ACTN2: variants seen among roughly 807,000 people sequenced by gnomAD.
ACTN2 encodes alpha-actinin-2.
In ACTN2, 39 loss-of-function variants were observed where a neutral mutation model predicts 113.8. The observed-to-expected ratio is 0.34, with a 90% CI of 0.27 to 0.45. The LOEUF is 0.45. ACTN2 is among the 20% of genes least tolerant of loss of function. The probability of loss-of-function intolerance (pLI) is 1.00; values close to 1 mark genes in which losing one functional copy is unlikely to be tolerated. For missense variants in ACTN2, 992 were observed against 1,177.9 expected, an observed-to-expected ratio of 0.84 and a Z score of 2.31; for synonymous variants, 429 against 444.1, an observed-to-expected ratio of 0.97 and a Z score of 0.43.
Position 236,762,965 on chromosome 1 carries a change from T to A in ACTN2, c.*346T>A. On this transcript the variant is annotated 3_prime_UTR_variant, in exon 21 of 21. Coordinates refer to ENST00000366578, the MANE Select transcript of ACTN2 (RefSeq NM_001103.4). ...AAGTGAAAAATGTGAAAATACAAAA[T>A]ACCCAAGATTTAAGACCGGGGGGAA... 3.1e-6 allele frequency: 1 copy of A among 327,426 alleles called. No homozygotes were observed. Among genetic ancestry groups the A allele is most frequent in the Non-Finnish European group, 5.9e-6 (1 of 169,236 alleles). 20.3% of individuals were successfully genotyped at this position (327,426 alleles called of 1,614,324 possible).
At chr1:236,724,639 G>A (rs1461282789) in intron 4 of ACTN2, among the ~76,000 whole-genome samples, 2 of 152,230 alleles carry the variant, frequency 1.3e-5, no homozygotes, top group Non-Finnish European at 1.5e-5. Context: ...GCATAGGGGT[G>A]TCTCAGCTCT....
Position 236,737,318 on chromosome 1 carries a change from T to TATATATATATATATATATATATATATA in ACTN2, c.876+104_876+105insATATATATATATATATATATATATATA, listed in dbSNP as rs1465770912. On this transcript the variant is annotated intron_variant, in intron 9 of 20. Transcript: ENST00000366578. ...GGGGGCATATATATATATATATATA[T>TATATATATATATATATATATATATATA]TTTGCATTTTTCATCTCAGATAGGA... 7.9e-4 allele frequency: 234 copies of TATATATATATATATATATATATATATA among 296,414 alleles called. 26 individuals are homozygous for TATATATATATATATATATATATATATA. The highest frequency in any genetic ancestry group is 3.2e-3 in the Middle Eastern group (3 of 940). The allele number at this position is 296,414 out of a possible 1,614,324, so 18.4% of individuals were successfully genotyped here. A position where few individuals can be genotyped will look rare whatever the true frequency, so the allele number is the denominator to read the frequency against.
intron 1 of ACTN2, among the ~76,000 whole-genome samples, chr1:236,697,632 AC>A (rs1657551908): frequency 6.6e-6 from 1 of 152,162 alleles, no homozygotes; most frequent in Non-Finnish European, 1.5e-5. Context: ...GAGAAATCTC[AC>A]CTTGGTATTC....
intron 7 of ACTN2, among the ~76,000 whole-genome samples, chr1:236,732,524 C>T (rs1658742102): frequency 2.6e-5 from 4 of 151,762 alleles, no homozygotes; most frequent in Admixed American, 2.6e-4. Context: ...CTCACTGCAA[C>T]CTCTGTCTCC....
intron 1 of ACTN2, among the ~76,000 whole-genome samples, chr1:236,709,220 G>GTGTGTGTGTATA (rs1275373436): frequency 3.6e-4 from 24 of 66,848 alleles, no homozygotes; most frequent in Admixed American, 3.4e-3. Flanking sequence ...ACAAATGACT[G>GTGTGTGTGTATA]TATATATATA....
chr1:236,757,229 T>C (rs1284136386), intron 17 of ACTN2, among the ~76,000 whole-genome samples: 1 of 146,820 alleles, frequency 6.8e-6, no homozygotes, highest in Non-Finnish European at 1.5e-5. Flanking sequence ...CTGCCACCGT[T>C]AGAACCCTGG....
At chr1:236,687,766 G>GTT (rs1473513698) in intron 1 of ACTN2, among the ~76,000 whole-genome samples, 1 of 152,228 alleles carries the variant, frequency 6.6e-6, no homozygotes, top group Admixed American at 6.5e-5. Context: ...TTGTGCGATA[G>GTT]TATTTGGTGA....
intron 1 of ACTN2, among the ~76,000 whole-genome samples, chr1:236,695,568 C>CT (rs1270303773): frequency 9.6e-6 from 1 of 104,510 alleles, no homozygotes; most frequent in East Asian, 3.1e-4. Flanking sequence ...TGAGTTCCCC[C>CT]CCCCTGCCCA....
intron 5 of ACTN2, among the ~76,000 whole-genome samples, chr1:236,726,930 C>T (rs895537400): frequency 6.6e-6 from 1 of 152,164 alleles, no homozygotes; most frequent in African/African-American, 2.4e-5. Flanking sequence ...TTTTCTGGCT[C>T]CTAGTTGGCC....
intron 4 of ACTN2, among the ~76,000 whole-genome samples, chr1:236,723,806 A>C (rs1022240236): frequency 6.6e-6 from 1 of 152,174 alleles, no homozygotes; most frequent in African/African-American, 2.4e-5. Context: ...TTCATTTGAA[A>C]AAATCAACTT....
At chr1:236,750,898 G>A (rs1659373388) in intron 14 of ACTN2, among the ~76,000 whole-genome samples, 1 of 151,578 alleles carries the variant, frequency 6.6e-6, no homozygotes, top group South Asian at 2.1e-4. Flanking sequence ...AGACCAACCT[G>A]GGCAACATAA....
intron 1 of ACTN2, among the ~76,000 whole-genome samples, chr1:236,698,133 T>C (rs938081619): frequency 9.2e-5 from 14 of 151,790 alleles, no homozygotes; most frequent in Non-Finnish European, 1.5e-5. Flanking sequence ...GGTGGTGTGC[T>C]CAAGTCTGTG....
chr1:236,728,143 CTT>C (rs11436295), intron 6 of ACTN2, among the ~76,000 whole-genome samples: 89 of 121,032 alleles, frequency 7.4e-4, no homozygotes, highest in Non-Finnish European at 8.2e-4. Context: ...TAGCCCAAGC[CTT>C]TTTTTTTTTT....
chr1:236,725,150 C>T (rs1157698656), intron 4 of ACTN2, among the ~76,000 whole-genome samples: 1 of 152,134 alleles, frequency 6.6e-6, no homozygotes, highest in Non-Finnish European at 1.5e-5. Context: ...GTAAGACTCA[C>T]TTCAATTACA....
At chr1:236,720,288 C>G in intron 4 of ACTN2, 97 bp downstream of exon 4, 1 of 998,250 alleles carries the variant, frequency 1.0e-6, no homozygotes, top group Admixed American at 1.8e-5. Flanking sequence ...CAGTCACTTA[C>G]ATGATTGAAT....
chr1:236,689,358 T>TTATATATA (rs150964294), intron 1 of ACTN2, among the ~76,000 whole-genome samples: 1 of 145,324 alleles, frequency 6.9e-6, no homozygotes, highest in Admixed American at 6.9e-5. Context: ...TATGTATATT[T>TTATATATA]TATATATATA....
Position 236,762,492 on chromosome 1 carries a change from A to C in ACTN2, c.2558A>C (p.Glu853Ala). 6.2e-7 allele frequency: 1 copy of C among 1,614,078 alleles called. No individual in the cohort carries two copies. Among genetic ancestry groups the C allele is most frequent in the Non-Finnish European group, 8.5e-7 (1 of 1,179,986 alleles). Residue 853 changes from glutamate (E) to alanine (A), a missense_variant, in exon 21 of 21, where the codon GAG becomes GCG. This residue lies in a region of ACTN2 where 736 missense variants were observed against 815.4 expected (regional missense o/e 0.90). Transcript: ENST00000366578. ...ATCCTGGCGGAGGAGCTGCGTCGGG[A>C]GCTGCCCCCGGATCAGGCCCAGTAC... ...PYILAEELRR[E>A]LPPDQAQYCI...
At chr1:236,716,278 C>G (rs1245216117) in intron 1 of ACTN2, among the ~76,000 whole-genome samples, 1 of 152,072 alleles carries the variant, frequency 6.6e-6, no homozygotes, top group African/African-American at 2.4e-5. Context: ...AAGTTTTCAT[C>G]TTGAACACAA....
chr1:236,736,528 T>C, intron 8 of ACTN2: 1 of 1,367,534 alleles, frequency 7.3e-7, no homozygotes, highest in Non-Finnish European at 1.0e-6. Context: ...GACAGAGAAT[T>C]GTGTATTACC....
Sources: allele counts gnomAD v4.1 joint callset (sites outside exome capture counted in the v4.1 genomes callset), GRCh38; gene constraint gnomAD v4.1.1; regional missense constraint gnomAD v4.1.1; transcripts MANE v1.5; gene names NCBI Gene and HGNC (gene_info 2026-07-23, HGNC 2026-07-21).